GRM5: variants seen among roughly 807,000 people sequenced by gnomAD.
GRM5 encodes the protein glutamate metabotropic receptor 5.
Under a neutral mutation model 83.1 loss-of-function variants are expected in GRM5, and 19 were observed. That is an observed-to-expected ratio of 0.23 (90% CI 0.16 to 0.34). The LOEUF (loss-of-function observed/expected upper bound fraction) is 0.34, where lower values mean the gene tolerates loss of function less well. GRM5 is among the 10% of genes least tolerant of loss of function. The pLI, the probability that GRM5 is intolerant of heterozygous loss-of-function variation, is 1.00. For missense variants in GRM5, 1,160 were observed against 1,588.3 expected, an observed-to-expected ratio of 0.73 and a Z score of 4.58; for synonymous variants, 675 against 633.6, an observed-to-expected ratio of 1.07 and a Z score of -0.98.
At chr11:88,606,360 T>C (rs1036271330) in intron 4 of GRM5, among the ~76,000 whole-genome samples, 1 of 152,104 alleles carries the variant, frequency 6.6e-6, no homozygotes, top group African/African-American at 2.4e-5. Context: ...CTGTCTCTAC[T>C]AAAAACGCAA....
intron 3 of GRM5, among the ~76,000 whole-genome samples, chr11:88,824,197 TA>T (rs1943853254): frequency 6.6e-6 from 1 of 152,196 alleles, no homozygotes; most frequent in Non-Finnish European, 1.5e-5. Flanking sequence ...ACCCTGAAAT[TA>T]AATGTCAGTG....
At chr11:88,882,450 A>G (rs1289004020) in intron 2 of GRM5, among the ~76,000 whole-genome samples, 2 of 149,822 alleles carry the variant, frequency 1.3e-5, no homozygotes, top group Admixed American at 1.3e-4. Context: ...AGTCCCAGCT[A>G]CTCGGGAGGC....
intron 3 of GRM5, among the ~76,000 whole-genome samples, chr11:88,809,892 T>C (rs950317893): frequency 2.0e-5 from 3 of 152,090 alleles, no homozygotes; most frequent in Non-Finnish European, 2.9e-5. Context: ...ATATATCCCA[T>C]GCAATCTTAG....
At position 88,522,569 on chromosome 11, in the gene GRM5, T is replaced by TTCTCTCTCTC. The variant is rs146352449; in HGVS notation, c.2726+2730_2726+2739dup. Among the ~76,000 whole-genome samples, 679 of 138,050 alleles carry TTCTCTCTCTC rather than the reference T, an allele frequency of 4.9e-3. 6 individuals are homozygous for TTCTCTCTCTC. Among genetic ancestry groups the TTCTCTCTCTC allele is most frequent in the African/African-American group, 7.7e-3 (285 of 37,044 alleles). 90.6% of individuals were successfully genotyped at this position (138,050 alleles called of 152,430 possible). On this transcript the variant is annotated intron_variant, in intron 9 of 9. Coordinates refer to ENST00000305447, the MANE Select transcript of GRM5 (RefSeq NM_001143831.3). ...AAAGCTTAAGCATGGCAGGTCTCTC[T>TTCTCTCTCTC]TCTCTCTCTCTCTCTCTCGCTCTCT... is the stretch of plus-strand genomic sequence containing the variant.
At chr11:88,517,186 T>G (rs1434041988) in intron 9 of GRM5, among the ~76,000 whole-genome samples, 1 of 151,724 alleles carries the variant, frequency 6.6e-6, no homozygotes, top group Non-Finnish European at 1.5e-5. Context: ...TCATTTACAT[T>G]CTTTTAATCT....
chr11:89,001,968 T>A (rs534061695), intron 2 of GRM5, among the ~76,000 whole-genome samples: 1 of 152,166 alleles, frequency 6.6e-6, no homozygotes, highest in Non-Finnish European at 1.5e-5. Context: ...TTTTTACTTA[T>A]ACTAAAACAA....
intron 2 of GRM5, among the ~76,000 whole-genome samples, chr11:88,988,013 C>T (rs1409023775): frequency 3.1e-4 from 47 of 151,096 alleles, no homozygotes; most frequent in African/African-American, 6.6e-4. Context: ...GGACGGAGAA[C>T]GACTTTGACG....
At position 88,508,690 on chromosome 11, in the gene GRM5, T is replaced by TG. The variant is rs749291725; in HGVS notation, c.3540dup (p.Asn1181GlnfsTer18). 10 of 1,606,228 alleles carry TG rather than the reference T, an allele frequency of 6.2e-6. No homozygotes were observed. The highest frequency in any genetic ancestry group is 8.5e-6 in the Non-Finnish European group (10 of 1,176,492). On this transcript the variant is annotated frameshift_variant, in exon 10 of 10. Transcript: ENST00000305447. LOFTEE classifies it high-confidence loss of function. This position sits in a 1 kb window ranked among gnomAD's most constrained non-coding sequence, Gnocchi z 4.2. ...AGGGCCGACTCGGACACTGGCGAGTTGGGGGTTGTGCTCCCCGAGTCCACC... is the reference window on the plus strand; with the variant it reads ...AGGGCCGACTCGGACACTGGCGAGTTGGGGGGTTGTGCTCCCCGAGTCCACC...
intron 3 of GRM5, among the ~76,000 whole-genome samples, chr11:88,713,959 A>G (rs1941341979): frequency 6.6e-6 from 1 of 152,050 alleles, no homozygotes; most frequent in South Asian, 2.1e-4. Flanking sequence ...CAGAAACAAG[A>G]TTGACACTTT....
intron 3 of GRM5, among the ~76,000 whole-genome samples, chr11:88,810,887 G>C (rs1339046798): frequency 6.6e-6 from 1 of 152,086 alleles, no homozygotes; most frequent in East Asian, 1.9e-4. Flanking sequence ...AAAAAACTAT[G>C]TCACAACTTA....
intron 3 of GRM5, among the ~76,000 whole-genome samples, chr11:88,708,850 T>C (rs1423619198): frequency 6.6e-6 from 1 of 152,026 alleles, no homozygotes; most frequent in Non-Finnish European, 1.5e-5. Context: ...CTTTTGCTAA[T>C]TGGAAAAAAA....
intron 2 of GRM5, among the ~76,000 whole-genome samples, chr11:88,967,619 G>A (rs1464167914): frequency 6.6e-6 from 1 of 152,046 alleles, no homozygotes; most frequent in African/African-American, 2.4e-5. Context: ...CAAAGTCCTA[G>A]TGTTCTAATA....
intron 8 of GRM5, among the ~76,000 whole-genome samples, chr11:88,538,662 G>A (rs1255010531): frequency 6.6e-6 from 1 of 152,182 alleles, no homozygotes; most frequent in Admixed American, 6.5e-5. Context: ...GATGAAGCTA[G>A]ATAATAAATG....
At chr11:88,701,646 A>C (rs1319261823) in intron 3 of GRM5, among the ~76,000 whole-genome samples, 1 of 152,156 alleles carries the variant, frequency 6.6e-6, no homozygotes, top group Non-Finnish European at 1.5e-5. Context: ...GGGAAGTAGA[A>C]GTTACAGACA....
intron 9 of GRM5, among the ~76,000 whole-genome samples, chr11:88,523,244 T>G (rs1013930580): frequency 2.0e-5 from 3 of 152,208 alleles, no homozygotes; most frequent in African/African-American, 4.8e-5. Context: ...ACTTGTTACA[T>G]GACAGATTCC....
intron 2 of GRM5, among the ~76,000 whole-genome samples, chr11:88,994,811 T>G (rs78777006): frequency 0.025 from 3,728 of 152,102 alleles, 134 homozygotes; most frequent in African/African-American, 0.084. Context: ...GAAGTTCTAT[T>G]GATATCTATA....
At chr11:88,813,314 A>G (rs951570979) in intron 3 of GRM5, among the ~76,000 whole-genome samples, 8 of 152,096 alleles carry the variant, frequency 5.3e-5, no homozygotes, top group Non-Finnish European at 7.4e-5. Context: ...ATGAATGATT[A>G]ATGGAACAGC....
At chr11:89,042,926 C>T (rs541365509) in intron 2 of GRM5, among the ~76,000 whole-genome samples, 1 of 149,128 alleles carries the variant, frequency 6.7e-6, no homozygotes, top group East Asian at 1.9e-4. Flanking sequence ...ACATTTTTCT[C>T]CCCAGAACAT....
intron 2 of GRM5, among the ~76,000 whole-genome samples, chr11:88,944,708 G>T (rs1013483273): frequency 6.6e-6 from 1 of 151,764 alleles, no homozygotes; most frequent in Non-Finnish European, 1.5e-5. Flanking sequence ...TCACCAGGAT[G>T]CTTAAAATTT....
Sources: allele counts gnomAD v4.1 joint callset (sites outside exome capture counted in the v4.1 genomes callset), GRCh38; gene constraint gnomAD v4.1.1; non-coding constraint Gnocchi (gnomAD v3.1); transcripts MANE v1.5; gene names NCBI Gene and HGNC (gene_info 2026-07-23, HGNC 2026-07-21).